RYR3: variants seen among roughly 807,000 people sequenced by gnomAD.
RYR3 encodes the protein ryanodine receptor 3.
Under a neutral mutation model 584.3 loss-of-function variants are expected in RYR3, and 207 were observed. The observed-to-expected ratio is 0.35, with a 90% CI of 0.32 to 0.40. The LOEUF (loss-of-function observed/expected upper bound fraction) is 0.40, where lower values mean the gene tolerates loss of function less well. RYR3 is among the 10% of genes least tolerant of loss of function. RYR3 has a pLI of 1.00. For missense variants in RYR3, 5,616 were observed against 6,089.2 expected (o/e 0.92, Z 2.59); for synonymous variants, 2,416 against 2,248.5 (o/e 1.07, Z -2.11).
At chr15:33,687,530 C>T (rs2065099725) in intron 38 of RYR3, among the ~76,000 whole-genome samples, 1 of 152,138 alleles carries the variant, frequency 6.6e-6, no homozygotes, top group African/African-American at 2.4e-5. Flanking sequence ...ATCAAGCTAC[C>T]AATGACTTTC....
In RYR3 at chr15:33,736,286, T is replaced by A; in HGVS notation, c.7476T>A (p.Asp2492Glu). The change falls in exon 49 of 104, where the codon GAT (aspartate) becomes GAA (glutamate). Residue 2492 changes from aspartate to glutamate, a missense_variant. Coordinates refer to ENST00000634891, the MANE Select transcript of RYR3 (RefSeq NM_001036.6). ...AACTCCTGCGACGCCTCGTTTTTGA[T>A]GTGCCGCAACTCAATGAATACTGCA... ...LQQLLRRLVFDVPQLNEYCKM... is the reference protein window; with the variant it reads ...LQQLLRRLVFEVPQLNEYCKM... 1 of 1,613,346 alleles carries A rather than the reference T, an allele frequency of 6.2e-7. No homozygotes were observed. The highest frequency in any genetic ancestry group is 8.5e-7 in the Non-Finnish European group (1 of 1,179,690).
At chr15:33,816,756 A>G (rs2076834002) in intron 74 of RYR3, 106 bp from the exon 75 acceptor site, 1 of 663,082 alleles carries the variant, frequency 1.5e-6, no homozygotes, top group Non-Finnish European at 2.6e-6. Flanking sequence ...ATCAGAAGAC[A>G]AGAATTGTAC....
intron 2 of RYR3, among the ~76,000 whole-genome samples, chr15:33,500,779 G>A (rs928887291): frequency 5.3e-5 from 8 of 152,296 alleles, no homozygotes; most frequent in African/African-American, 1.7e-4. Context: ...TTTAATGGAC[G>A]AGTGGCCTTT....
intron 1 of RYR3, among the ~76,000 whole-genome samples, chr15:33,464,463 GATATATATATATATATATAT>G (rs569756898): frequency 5.0e-5 from 4 of 79,282 alleles, no homozygotes; most frequent in African/African-American, 5.8e-5. Flanking sequence ...GGGAGGTGGA[GATATATATATATATATATAT>G]ATATATACAC....
chr15:33,637,959 C>G (rs1386713036), intron 27 of RYR3, among the ~76,000 whole-genome samples: 1 of 152,060 alleles, frequency 6.6e-6, no homozygotes, highest in Non-Finnish European at 1.5e-5. Context: ...CCGCTCCCCC[C>G]ATCCCACAAC....
At chr15:33,805,084 T>G (rs2076112717) in intron 69 of RYR3, among the ~76,000 whole-genome samples, 1 of 152,208 alleles carries the variant, frequency 6.6e-6, no homozygotes, top group Non-Finnish European at 1.5e-5. Context: ...ATAACACCAG[T>G]TTGCAAATGT....
Position 33,657,646 on chromosome 15 carries a change from A to G in RYR3, c.4309-2074A>G, listed in dbSNP as rs779155668. 3.9e-5 allele frequency among the ~76,000 whole-genome samples: 6 copies of G among 152,236 alleles called. No individual in the cohort carries two copies. In the South Asian group the frequency reaches 6.2e-4, roughly 16 times the overall value. On this transcript the variant is annotated intron_variant, in intron 32 of 103. Coordinates refer to ENST00000634891, the MANE Select transcript of RYR3 (RefSeq NM_001036.6). Reference sequence around the variant, plus strand: ...AAAGCAAGTATATAATAGGTACTACATCATTATCTGTTGAAAGTCATTTAC... The same window carrying G: ...AAAGCAAGTATATAATAGGTACTACGTCATTATCTGTTGAAAGTCATTTAC...
intron 1 of RYR3, among the ~76,000 whole-genome samples, chr15:33,415,955 C>A (rs2676050): frequency 0.15 from 23,012 of 151,990 alleles, 2,968 homozygotes; most frequent in African/African-American, 0.35. Flanking sequence ...GTGAGAACAT[C>A]TGGGTTTCTG....
intron 3 of RYR3, among the ~76,000 whole-genome samples, chr15:33,504,471 A>G (rs1038004329): frequency 1.3e-5 from 2 of 152,138 alleles, no homozygotes; most frequent in Non-Finnish European, 2.9e-5. Context: ...TCAATCCCCC[A>G]TACTCCATTA....
intron 1 of RYR3, among the ~76,000 whole-genome samples, chr15:33,450,438 C>T (rs560809782): frequency 1.4e-3 from 214 of 152,160 alleles, no homozygotes; most frequent in African/African-American, 4.9e-3. Context: ...ACGCTTCTGC[C>T]GCCCGCCCTC....
chr15:33,827,668 A>C (rs924995503), intron 85 of RYR3, among the ~76,000 whole-genome samples: 21 of 152,232 alleles, frequency 1.4e-4, no homozygotes, highest in African/African-American at 4.8e-4. Flanking sequence ...ATGAGTTTAC[A>C]AGTTCGTGTT....
Position 33,432,668 on chromosome 15 carries a change from T to TGTGTGTGTGTGTGTG in RYR3, c.52-40751_52-40750insGTGTGTGTGTGTGTG, listed in dbSNP as rs113646851. On this transcript the variant is annotated intron_variant, in intron 1 of 103. Transcript: ENST00000634891. ...GGTGCCCACGACCACGCCTAGCTAA[T>TGTGTGTGTGTGTGTG]TGTGTGTGTGTGTGTGTGTGTGTGT... Among the ~76,000 whole-genome samples, 1,251 of 132,180 alleles carry TGTGTGTGTGTGTGTG rather than the reference T, an allele frequency of 9.5e-3. 24 individuals are homozygous for TGTGTGTGTGTGTGTG. Among genetic ancestry groups the TGTGTGTGTGTGTGTG allele is most frequent in the African/African-American group, 0.03 (955 of 31,672 alleles). The allele number at this position is 132,180 out of a possible 152,430, so 86.7% of individuals were successfully genotyped here.
At chr15:33,731,773 T>C (rs985487502) in intron 48 of RYR3, 79 bp downstream of exon 48, 4 of 1,003,310 alleles carry the variant, frequency 4.0e-6, no homozygotes, top group Non-Finnish European at 6.1e-6. Flanking sequence ...TAAAAACTGG[T>C]GGTCTAGTCT....
At chr15:33,734,505 C>T (rs750924260) in intron 48 of RYR3, among the ~76,000 whole-genome samples, 2 of 152,076 alleles carry the variant, frequency 1.3e-5, no homozygotes, top group African/African-American at 2.4e-5. Context: ...TCAATAACAG[C>T]TGCGATCGTG....
chr15:33,607,758 G>A (rs1362070350), intron 18 of RYR3, among the ~76,000 whole-genome samples: 3 of 151,766 alleles, frequency 2.0e-5, no homozygotes, highest in Non-Finnish European at 4.4e-5. Flanking sequence ...TTCCTACAGT[G>A]TCCCGGCAAA....
chr15:33,563,747 T>G (rs926149050), intron 11 of RYR3, among the ~76,000 whole-genome samples: 15 of 152,194 alleles, frequency 9.9e-5, no homozygotes, highest in Admixed American at 2.6e-4. Context: ...GTAGTCATGA[T>G]GAACAGTTTT....
In RYR3 at chr15:33,789,986, C is replaced by CTTTTTTTTTTTTT; in HGVS notation, c.9830+1539_9830+1551dup. ...GGCGTGAGCCACCACGCCTGGCCTT[C>CTTTTTTTTTTTTT]TTTTTTTTTTTTTTTTTTTTTTTGA... is the stretch of plus-strand genomic sequence containing the variant. On this transcript the variant is annotated intron_variant, in intron 67 of 103. Coordinates refer to ENST00000634891, the MANE Select transcript of RYR3 (RefSeq NM_001036.6). 1.3e-3 allele frequency among the ~76,000 whole-genome samples: 68 copies of CTTTTTTTTTTTTT among 53,256 alleles called. 21 individuals are homozygous for CTTTTTTTTTTTTT. Among genetic ancestry groups the CTTTTTTTTTTTTT allele is most frequent in the African/African-American group, 5.9e-3 (56 of 9,428 alleles). The allele number at this position is 53,256 out of a possible 152,430, so 34.9% of individuals were successfully genotyped here.
intron 28 of RYR3, 153 bp from the exon 29 acceptor site, chr15:33,646,198 A>T: frequency 1.6e-6 from 1 of 613,314 alleles, no homozygotes; most frequent in Non-Finnish European, 2.8e-6. Flanking sequence ...AGGCCCAAGT[A>T]ATGATGAGAA....
chr15:33,641,576 C>G (rs1342274395), intron 27 of RYR3, among the ~76,000 whole-genome samples: 1 of 152,152 alleles, frequency 6.6e-6, no homozygotes, highest in Non-Finnish European at 1.5e-5. Context: ...ATCTAGTTAT[C>G]GAATCGTTTT....
Sources: allele counts gnomAD v4.1 joint callset (sites outside exome capture counted in the v4.1 genomes callset), GRCh38; gene constraint gnomAD v4.1.1; transcripts MANE v1.5; gene names NCBI Gene and HGNC (gene_info 2026-07-23, HGNC 2026-07-21).